Variants in CNNM2 observed in about 807,000 individuals in gnomAD.
CNNM2 encodes the protein metal transporter CNNM2.
Under a neutral mutation model 66.9 loss-of-function variants are expected in CNNM2, and 12 were observed. That is an observed-to-expected ratio of 0.18 (90% CI 0.11 to 0.29). The LOEUF (loss-of-function observed/expected upper bound fraction) is 0.29. Among genes scored for constraint, CNNM2 ranks in the 10% least tolerant of loss-of-function variants. The probability of loss-of-function intolerance (pLI) is 1.00; values close to 1 mark genes in which losing one functional copy is unlikely to be tolerated. For synonymous variants in CNNM2, 557 were observed against 501.8 expected, an observed-to-expected ratio of 1.11 and a Z score of -1.47; for missense variants, 705 against 1,167.7, an observed-to-expected ratio of 0.60 and a Z score of 5.77.
intron 1 of CNNM2, among the ~76,000 whole-genome samples, chr10:103,022,202 T>C (rs989415710): frequency 4.6e-5 from 7 of 152,220 alleles, no homozygotes; most frequent in African/African-American, 1.7e-4. Context: ...TGAGATGACC[T>C]TTTAGATTTT....
chr10:103,065,350 G>A (rs186891186), intron 4 of CNNM2, among the ~76,000 whole-genome samples: 35 of 152,300 alleles, frequency 2.3e-4, no homozygotes, highest in Admixed American at 9.2e-4. Flanking sequence ...GAGAATGCCC[G>A]AGGGCCGGAG....
rs549026923 is a variant in CNNM2, at chr10:103,062,422, G to A, written c.2073+5458G>A. On this transcript the variant is annotated intron_variant, in intron 4 of 7. Transcript: ENST00000369878. ...GGTCTGTGTACCCTAGTGCAGTAAC[G>A]GATCCTTAATCTTGAGTCAAGCACA... Among the ~76,000 whole-genome samples, 12 of 152,176 alleles carry A rather than the reference G, an allele frequency of 7.9e-5. No homozygotes were observed. The South Asian group carries it at 1.9e-3, about 24-fold the overall frequency.
Position 103,016,446 on chromosome 10 carries a change from G to A in CNNM2, c.1622-33261G>A, listed in dbSNP as rs574176509. 2.0e-5 allele frequency among the ~76,000 whole-genome samples: 3 copies of A among 152,262 alleles called. No homozygotes were observed. The East Asian group carries it at 5.8e-4, about 29-fold the overall frequency. On this transcript the variant is annotated intron_variant, in intron 1 of 7. Coordinates refer to ENST00000369878, the MANE Select transcript of CNNM2 (RefSeq NM_017649.5). ...CAGACAGCATTCTAGGCACAGAGGA[G>A]ACGGCAGTGAATCAGGTCATGTCCC...
intron 1 of CNNM2, among the ~76,000 whole-genome samples, chr10:103,022,928 G>A (rs1378659554): frequency 6.6e-6 from 1 of 151,932 alleles, no homozygotes; most frequent in Non-Finnish European, 1.5e-5. Context: ...TTGAGACAGG[G>A]TCTTACTGTG....
At chr10:102,945,758 C>G (rs1363353937) in intron 1 of CNNM2, among the ~76,000 whole-genome samples, 1 of 152,148 alleles carries the variant, frequency 6.6e-6, no homozygotes, top group Non-Finnish European at 1.5e-5. Flanking sequence ...GTACCCTCTT[C>G]TGTGTTATTG....
intron 1 of CNNM2, among the ~76,000 whole-genome samples, chr10:102,994,606 A>G (rs1315277734): frequency 6.6e-6 from 1 of 152,238 alleles, no homozygotes; most frequent in Non-Finnish European, 1.5e-5. Flanking sequence ...ACCCAGAACC[A>G]CATGACCACT....
chr10:102,983,486 C>T (rs2063749665), intron 1 of CNNM2, among the ~76,000 whole-genome samples: 1 of 151,130 alleles, frequency 6.6e-6, no homozygotes, highest in Non-Finnish European at 1.5e-5. Context: ...ATGGTGAAAC[C>T]CTGTCTCTAC....
At chr10:103,029,042 G>A (rs1222547685) in intron 1 of CNNM2, among the ~76,000 whole-genome samples, 4 of 151,308 alleles carry the variant, frequency 2.6e-5, no homozygotes, top group Non-Finnish European at 4.4e-5. Flanking sequence ...GGCTGGTTTT[G>A]AACCCCTGAC....
chr10:103,058,963 T>G (rs2065339853), intron 4 of CNNM2, among the ~76,000 whole-genome samples: 1 of 151,960 alleles, frequency 6.6e-6, no homozygotes, highest in South Asian at 2.1e-4. Flanking sequence ...TTGTTTGTTT[T>G]TTTGTTTGTT....
intron 1 of CNNM2, among the ~76,000 whole-genome samples, chr10:103,037,586 A>T (rs2064965218): frequency 6.6e-6 from 1 of 152,212 alleles, no homozygotes; most frequent in Admixed American, 6.5e-5. Context: ...TCTCTCTGTA[A>T]TGATGACTTA....
At chr10:102,930,614 A>G (rs970696490) in intron 1 of CNNM2, among the ~76,000 whole-genome samples, 3 of 152,160 alleles carry the variant, frequency 2.0e-5, no homozygotes, top group Non-Finnish European at 4.4e-5. Flanking sequence ...GCTTTTTGGT[A>G]TGTTCACAAG....
intron 4 of CNNM2, among the ~76,000 whole-genome samples, chr10:103,066,781 C>T (rs969045031): frequency 6.6e-6 from 1 of 152,198 alleles, no homozygotes; most frequent in Non-Finnish European, 1.5e-5. Context: ...CTCATGTGCT[C>T]GCCTGTCCCT....
chr10:103,007,039 A>G (rs1322264107), intron 1 of CNNM2, among the ~76,000 whole-genome samples: 2 of 152,148 alleles, frequency 1.3e-5, no homozygotes, highest in East Asian at 3.8e-4. Context: ...TATTTTCCCT[A>G]AGTGTCGGCT....
chr10:102,981,275 G>T (rs1007716476), intron 1 of CNNM2, among the ~76,000 whole-genome samples: 3 of 151,960 alleles, frequency 2.0e-5, no homozygotes, highest in Admixed American at 2.0e-4. Flanking sequence ...ACCTGAGTCC[G>T]GGAGGTTGAG....
chr10:103,000,311 T>C (rs964414183), intron 1 of CNNM2, among the ~76,000 whole-genome samples: 1 of 151,918 alleles, frequency 6.6e-6, no homozygotes, highest in Non-Finnish European at 1.5e-5. Context: ...TAGAAAACTG[T>C]GTGGCATCTC....
intron 1 of CNNM2, among the ~76,000 whole-genome samples, chr10:103,003,860 A>T (rs999821871): frequency 1.3e-5 from 2 of 151,866 alleles, no homozygotes; most frequent in African/African-American, 4.8e-5. Flanking sequence ...CTGTTTTTAT[A>T]CTTTATATAA....
intron 4 of CNNM2, among the ~76,000 whole-genome samples, chr10:103,061,363 C>T (rs866597898): frequency 9.2e-5 from 14 of 152,050 alleles, no homozygotes; most frequent in African/African-American, 3.1e-4. Flanking sequence ...ACTGCTCCAG[C>T]CTGGGCAACA....
rs140858401 is a variant in CNNM2, at chr10:103,053,684, A to G, written c.1766-645A>G. 3.9e-3 allele frequency among the ~76,000 whole-genome samples: 590 copies of G among 152,322 alleles called. 2 individuals carry two copies. Among genetic ancestry groups the G allele is most frequent in the Middle Eastern group, 6.8e-3 (2 of 294 alleles). On this transcript the variant is annotated intron_variant, in intron 2 of 7. Transcript: ENST00000369878. ...TATGTAGACCCACATAGCCTAAAAT[A>G]TTGACTCTCTGGCCCTTTTCGGAGG...
At chr10:103,011,428 G>C (rs1037397006) in intron 1 of CNNM2, among the ~76,000 whole-genome samples, 1 of 150,940 alleles carries the variant, frequency 6.6e-6, no homozygotes, top group East Asian at 1.9e-4. Context: ...ATTCCAGCCT[G>C]GGCAACAGAG....
Sources: allele counts gnomAD v4.1 joint callset (sites outside exome capture counted in the v4.1 genomes callset), GRCh38; gene constraint gnomAD v4.1.1; transcripts MANE v1.5; gene names NCBI Gene and HGNC (gene_info 2026-07-23, HGNC 2026-07-21).